Variants in ANK3 observed in about 807,000 individuals in gnomAD.
The protein encoded by ANK3 is ankyrin-3.
In ANK3, 57 loss-of-function variants were observed where a neutral mutation model predicts 370.9. That is an observed-to-expected ratio of 0.15 (90% CI 0.12 to 0.19). The LOEUF (loss-of-function observed/expected upper bound fraction) is 0.19. Ranked by LOEUF, ANK3 falls within the 10% of genes least tolerant of loss-of-function variation. The pLI, the probability that ANK3 is intolerant of heterozygous loss-of-function variation, is 1.00. For synonymous variants in ANK3, 1,929 were observed against 1,946.3 expected (o/e 0.99, Z 0.23); for missense variants, 4,439 against 5,302.1 (o/e 0.84, Z 5.06).
chr10:60,461,186 G>A (rs1297132976), intron 2 of ANK3, among the ~76,000 whole-genome samples: 1 of 152,054 alleles, frequency 6.6e-6, no homozygotes, highest in Non-Finnish European at 1.5e-5. Context: ...CCTGGTTTCT[G>A]GTCCTTTTTT....
chr10:60,561,129 G>C (rs968273345), intron 2 of ANK3, among the ~76,000 whole-genome samples: 5 of 152,120 alleles, frequency 3.3e-5, no homozygotes, highest in African/African-American at 4.8e-5. Flanking sequence ...GTTAAGCTTT[G>C]TTTCAAGGAA....
At chr10:60,160,626 T>C (rs970274835) in intron 23 of ANK3, among the ~76,000 whole-genome samples, 1 of 152,102 alleles carries the variant, frequency 6.6e-6, no homozygotes, top group Non-Finnish European at 1.5e-5. Flanking sequence ...CCAATATTTC[T>C]GATGAACACA....
chr10:60,080,514 A>T, intron 36 of ANK3, 23 bp downstream of exon 36: 1 of 1,592,844 alleles, frequency 6.3e-7, no homozygotes. Flanking sequence ...CACGTAGATT[A>T]GTAAATGTGT....
At chr10:60,079,991 G>C (rs886248821) in intron 36 of ANK3, among the ~76,000 whole-genome samples, 2 of 152,108 alleles carry the variant, frequency 1.3e-5, no homozygotes, top group African/African-American at 4.8e-5. Context: ...TTTAATAAAG[G>C]ACAGGAGGAG....
intron 1 of ANK3, among the ~76,000 whole-genome samples, chr10:60,297,197 A>G (rs1227721611): frequency 6.6e-6 from 1 of 152,182 alleles, no homozygotes. Flanking sequence ...CGATTTTTAC[A>G]TTATTGGCTT....
intron 1 of ANK3, among the ~76,000 whole-genome samples, chr10:60,653,489 T>G (rs1043794449): frequency 1.3e-5 from 2 of 152,198 alleles, no homozygotes; most frequent in East Asian, 1.9e-4. Context: ...GGACTTTCTA[T>G]GTTGTTCCAC....
At chr10:60,290,157 AAAC>A (rs2040999079) in intron 1 of ANK3, among the ~76,000 whole-genome samples, 2 of 152,188 alleles carry the variant, frequency 1.3e-5, no homozygotes, top group South Asian at 4.1e-4. Flanking sequence ...ACACAAACGA[AAAC>A]AACGGTGACA....
intron 1 of ANK3, among the ~76,000 whole-genome samples, chr10:60,617,636 C>A (rs112227609): frequency 2.0e-5 from 3 of 152,290 alleles, no homozygotes; most frequent in African/African-American, 7.2e-5. Context: ...CAGGGCTGTT[C>A]ATTTCTCTTC....
intron 1 of ANK3, among the ~76,000 whole-genome samples, chr10:60,329,717 A>T (rs2050755159): frequency 6.6e-6 from 1 of 152,222 alleles, no homozygotes; most frequent in Non-Finnish European, 1.5e-5. Context: ...TGCCCAAAGT[A>T]ATTTATAGAT....
intron 16 of ANK3, among the ~76,000 whole-genome samples, chr10:60,187,558 T>C (rs911480954): frequency 6.6e-6 from 1 of 152,182 alleles, no homozygotes; most frequent in Non-Finnish European, 1.5e-5. Flanking sequence ...TGCTCGATAA[T>C]TACTTGCTTT....
chr10:60,474,434 G>C (rs1452537899), intron 2 of ANK3, among the ~76,000 whole-genome samples: 1 of 152,156 alleles, frequency 6.6e-6, no homozygotes, highest in African/African-American at 2.4e-5. Context: ...AGAGGGAAAG[G>C]ATGAAAGATG....
At chr10:60,726,424 C>T (rs981230408) in intron 1 of ANK3, among the ~76,000 whole-genome samples, 1 of 152,170 alleles carries the variant, frequency 6.6e-6, no homozygotes, top group Non-Finnish European at 1.5e-5. Context: ...CAAGGTTCAA[C>T]AGTAAACACT....
intron 2 of ANK3, among the ~76,000 whole-genome samples, chr10:60,465,877 A>T (rs1319398719): frequency 1.3e-5 from 2 of 150,984 alleles, no homozygotes; most frequent in Non-Finnish European, 2.9e-5. Context: ...TGTGAAATTA[A>T]GCTCTTTTTC....
chr10:60,570,270 A>G (rs1413865581), intron 2 of ANK3, among the ~76,000 whole-genome samples: 1 of 152,208 alleles, frequency 6.6e-6, no homozygotes, highest in Non-Finnish European at 1.5e-5. Flanking sequence ...CAATGTGGTC[A>G]AGAGAATAAA....
chr10:60,633,230 A>G (rs969037288), intron 1 of ANK3, among the ~76,000 whole-genome samples: 1 of 152,230 alleles, frequency 6.6e-6, no homozygotes, highest in Non-Finnish European at 1.5e-5. Context: ...AATAATCACT[A>G]TCATGACATA....
intron 2 of ANK3, among the ~76,000 whole-genome samples, chr10:60,437,300 A>T (rs2132995037): frequency 6.6e-6 from 1 of 152,334 alleles, no homozygotes; most frequent in East Asian, 1.9e-4. Flanking sequence ...TTAAAAAAAA[A>T]TTGAAATGCC....
chr10:60,217,368 C>A (rs1221439003), intron 8 of ANK3, among the ~76,000 whole-genome samples: 1 of 152,096 alleles, frequency 6.6e-6, no homozygotes, highest in Non-Finnish European at 1.5e-5. Flanking sequence ...GATCTGAGAT[C>A]TTTCAAGCTT....
At position 60,106,053 on chromosome 10, in the gene ANK3, G is replaced by A. The variant is rs772765094; in HGVS notation, c.3180C>T (p.Val1060=). 1.2e-6 allele frequency: 2 copies of A among 1,601,984 alleles called. No homozygotes were observed. The highest frequency in any genetic ancestry group is 1.1e-5 in the South Asian group (1 of 87,854). Residue 1060 remains valine, a synonymous_variant, in exon 28 of 44, where the codon GTC becomes GTT. Coordinates refer to ENST00000280772, the MANE Select transcript of ANK3 (RefSeq NM_020987.5). The stretch of plus-strand genomic sequence containing the variant: ...ACCCAAAGTGAGGGATTTCCACTAT[G>A]ACAGGGCTGGAAAAAAAATCCACAT... The part of the protein sequence containing the change: ...GPAGAQFLGP[V]IVEIPHFGSM...
chr10:60,480,104 G>A (rs887284967), intron 2 of ANK3, among the ~76,000 whole-genome samples: 1 of 152,148 alleles, frequency 6.6e-6, no homozygotes, highest in Non-Finnish European at 1.5e-5. Context: ...TAGATGAGTA[G>A]TGGTAGAGAC....
Sources: allele counts gnomAD v4.1 joint callset (sites outside exome capture counted in the v4.1 genomes callset), GRCh38; gene constraint gnomAD v4.1.1; transcripts MANE v1.5; gene names NCBI Gene and HGNC (gene_info 2026-07-23, HGNC 2026-07-21).